Variants in RYR2 observed in about 807,000 individuals in gnomAD.
The protein encoded by RYR2 is cardiac muscle ryanodine receptor-calcium release channel.
A neutral mutation model predicts 601.1 loss-of-function variants in RYR2; 227 were observed. The ratio of observed to expected loss-of-function variants is 0.38; its 90% CI spans 0.34 to 0.42. The LOEUF (loss-of-function observed/expected upper bound fraction) is 0.42, where lower values mean the gene tolerates loss of function less well. Ranked by LOEUF, RYR2 falls within the 10% of genes least tolerant of loss-of-function variation. The pLI is 1.00. For missense variants in RYR2, 4,646 were observed against 6,156.5 expected, an observed-to-expected ratio of 0.75 and a Z score of 8.21; for synonymous variants, 2,223 against 2,175.1, an observed-to-expected ratio of 1.02 and a Z score of -0.61.
At chr1:237,204,834 G>C (rs1426574499) in intron 1 of RYR2, among the ~76,000 whole-genome samples, 1 of 152,236 alleles carries the variant, frequency 6.6e-6, no homozygotes, top group Non-Finnish European at 1.5e-5. Context: ...GGGCATTGGT[G>C]AGCTGTAGGG....
intron 101 of RYR2, among the ~76,000 whole-genome samples, chr1:237,820,023 C>G (rs1558482801): frequency 6.6e-6 from 1 of 151,794 alleles, no homozygotes; most frequent in Non-Finnish European, 1.5e-5. Flanking sequence ...CTTGTCTCTA[C>G]TAAAAATACA....
At chr1:237,460,681 C>A (rs1659374320) in intron 16 of RYR2, among the ~76,000 whole-genome samples, 1 of 152,110 alleles carries the variant, frequency 6.6e-6, no homozygotes, top group Non-Finnish European at 1.5e-5. Flanking sequence ...TATTAAAAAC[C>A]AGTGGAACTC....
At chr1:237,103,832 G>T (rs1668384998) in intron 1 of RYR2, among the ~76,000 whole-genome samples, 1 of 152,172 alleles carries the variant, frequency 6.6e-6, no homozygotes, top group South Asian at 2.1e-4. Flanking sequence ...GCCTCCCAAA[G>T]TGTTGGGATT....
intron 56 of RYR2, among the ~76,000 whole-genome samples, chr1:237,665,397 C>CAAAA (rs71162408): frequency 1.0e-5 from 1 of 95,594 alleles, no homozygotes; most frequent in Non-Finnish European, 2.0e-5. Context: ...GACTCTGTCT[C>CAAAA]AAAAAAAAAA....
intron 64 of RYR2, among the ~76,000 whole-genome samples, chr1:237,699,975 T>C (rs1371992262): frequency 6.6e-6 from 1 of 152,216 alleles, no homozygotes; most frequent in Non-Finnish European, 1.5e-5. Context: ...GTGATAAGCA[T>C]ACAGCATTAG....
Position 237,350,625 on chromosome 1 carries a change from ATATATATATC to A in RYR2, c.274-5338_274-5329del, listed in dbSNP as rs1257693347. On this transcript the variant is annotated intron_variant, in intron 3 of 104. Coordinates refer to ENST00000366574, the MANE Select transcript of RYR2 (RefSeq NM_001035.3). ...AAAATATATATATATATATATATAT[ATATATATATC>A]TCTGACCTCTGAGAAAGAATTTAGG... Among the ~76,000 whole-genome samples, 54 of 124,068 alleles carry A rather than the reference ATATATATATC, an allele frequency of 4.4e-4. 2 individuals carry two copies. Among genetic ancestry groups the A allele is most frequent in the East Asian group, 2.3e-3 (10 of 4,290 alleles). The allele number at this position is 124,068 out of a possible 152,430, so 81.4% of individuals were successfully genotyped here.
chr1:237,764,544 G>A (rs1035455315), intron 84 of RYR2, among the ~76,000 whole-genome samples: 3 of 151,598 alleles, frequency 2.0e-5, no homozygotes, highest in Admixed American at 6.6e-5. Context: ...CACTTCCCGG[G>A]TTCAAGCGAT....
At chr1:237,794,563 G>A (rs1310489800) in intron 95 of RYR2, among the ~76,000 whole-genome samples, 3 of 152,048 alleles carry the variant, frequency 2.0e-5, no homozygotes, top group Non-Finnish European at 4.4e-5. Flanking sequence ...CTGCTGTTCT[G>A]AGTATAAGTC....
intron 1 of RYR2, 30 bp from the exon 2 acceptor site, chr1:237,270,467 A>T (rs760133152): frequency 6.4e-7 from 1 of 1,556,002 alleles, no homozygotes; most frequent in Non-Finnish European, 8.7e-7. Flanking sequence ...CGTCTCACTT[A>T]TTTTTCCCTC....
At chr1:237,065,518 A>G (rs1663487832) in intron 1 of RYR2, among the ~76,000 whole-genome samples, 1 of 151,682 alleles carries the variant, frequency 6.6e-6, no homozygotes, top group Admixed American at 6.6e-5. Context: ...AACTCCTGAC[A>G]TTGTGATCCA....
intron 2 of RYR2, among the ~76,000 whole-genome samples, chr1:237,328,680 T>A (rs1178815332): frequency 6.6e-6 from 1 of 152,138 alleles, no homozygotes; most frequent in Non-Finnish European, 1.5e-5. Flanking sequence ...GTGGCCTTAT[T>A]GTGGGCATCA....
chr1:237,398,864 A>C (rs1703088420), intron 10 of RYR2, among the ~76,000 whole-genome samples: 1 of 152,216 alleles, frequency 6.6e-6, no homozygotes, highest in African/African-American at 2.4e-5. Context: ...AGCGTGGGAT[A>C]CTACTCAGCA....
At chr1:237,512,288 A>G (rs548397862) in intron 24 of RYR2, among the ~76,000 whole-genome samples, 1 of 152,192 alleles carries the variant, frequency 6.6e-6, no homozygotes, top group East Asian at 1.9e-4. Flanking sequence ...TTTCTCTAAC[A>G]ATTTTATTGT....
At chr1:237,415,112 G>A (rs949919427) in intron 10 of RYR2, among the ~76,000 whole-genome samples, 4 of 152,164 alleles carry the variant, frequency 2.6e-5, no homozygotes, top group African/African-American at 7.2e-5. Context: ...AGAGAATCAC[G>A]CAGCCCCAAA....
At chr1:237,242,880 G>C (rs1572333775) in intron 1 of RYR2, among the ~76,000 whole-genome samples, 1 of 152,136 alleles carries the variant, frequency 6.6e-6, no homozygotes, top group Admixed American at 6.5e-5. Context: ...AACTGAAACT[G>C]ACGTAAGCCA....
intron 1 of RYR2, among the ~76,000 whole-genome samples, chr1:237,235,283 T>C (rs1333814388): frequency 1.3e-5 from 2 of 152,200 alleles, no homozygotes; most frequent in African/African-American, 2.4e-5. Flanking sequence ...CAAGTTGCTC[T>C]CTCCTGTTCG....
intron 1 of RYR2, among the ~76,000 whole-genome samples, chr1:237,150,799 A>G (rs1317003488): frequency 1.3e-5 from 2 of 152,162 alleles, no homozygotes; most frequent in Admixed American, 1.3e-4. Flanking sequence ...TGGAGGAATT[A>G]ATAGAGAATT....
chr1:237,343,561 A>G lies in RYR2; in HGVS notation c.274-12404A>G, dbSNP rs550710436. Among the ~76,000 whole-genome samples the G allele has an allele frequency of 8.5e-5, 13 of 152,284 alleles. No homozygotes were observed. In the South Asian group the frequency reaches 2.3e-3, roughly 27 times the overall value. On this transcript the variant is annotated intron_variant, in intron 3 of 104. Transcript: ENST00000366574. ...TTTTTCAGATGAAGAAATAGAAACA[A>G]TGTACCAAGGTCAGCGATTAAAAAT...
chr1:237,748,500 G>A (rs1229885408), intron 80 of RYR2, among the ~76,000 whole-genome samples: 1 of 152,126 alleles, frequency 6.6e-6, no homozygotes, highest in Non-Finnish European at 1.5e-5. Flanking sequence ...CCATTAACAT[G>A]GGGTCTCCTT....
Sources: allele counts gnomAD v4.1 joint callset (sites outside exome capture counted in the v4.1 genomes callset), GRCh38; gene constraint gnomAD v4.1.1; transcripts MANE v1.5; gene names NCBI Gene and HGNC (gene_info 2026-07-23, HGNC 2026-07-21).